The following BRINP1 variants were observed in gnomAD, a reference collection of about 807,000 sequenced individuals.
BRINP1 encodes the protein BMP/retinoic acid-inducible neural-specific protein 1.
In BRINP1, 17 loss-of-function variants were observed where a neutral mutation model predicts 72.9. The observed-to-expected ratio is 0.23, with a 90% CI of 0.16 to 0.35. The LOEUF is 0.35. Ranked by LOEUF, BRINP1 falls within the 10% of genes least tolerant of loss-of-function variation. BRINP1 has a pLI of 1.00. For synonymous variants in BRINP1, 418 were observed against 378.5 expected (o/e 1.10, Z -1.21); for missense variants, 850 against 1,001.6 (o/e 0.85, Z 2.04).
chr9:119,187,190 G>A (rs1403541928), intron 7 of BRINP1, among the ~76,000 whole-genome samples: 1 of 151,744 alleles, frequency 6.6e-6, no homozygotes, highest in Non-Finnish European at 1.5e-5. Context: ...TATTCAACAA[G>A]ACACTGATCA....
At chr9:119,275,881 C>G (rs936609263) in intron 2 of BRINP1, among the ~76,000 whole-genome samples, 2 of 152,066 alleles carry the variant, frequency 1.3e-5, no homozygotes, top group African/African-American at 4.8e-5. Context: ...AGAGAACCCC[C>G]AAATAGCAGT....
chr9:119,351,774 T>C (rs1239359237), intron 1 of BRINP1, among the ~76,000 whole-genome samples: 2 of 152,180 alleles, frequency 1.3e-5, no homozygotes, highest in Non-Finnish European at 2.9e-5. Flanking sequence ...ATTATTCCTA[T>C]TCTGCTTCAA....
rs537126697 is a variant in BRINP1 at position 119,283,168 on chromosome 9, C to A, written c.218+29970G>T. Reference sequence around the variant, plus strand: ...AATGAGATCATTTGTTCTTTCTGGGCCTCCTTGAGTGTTTCTTTAGAATGA... The same window carrying A: ...AATGAGATCATTTGTTCTTTCTGGGACTCCTTGAGTGTTTCTTTAGAATGA... On this transcript the variant is annotated intron_variant, in intron 2 of 7. Coordinates refer to ENST00000265922, the MANE Select transcript of BRINP1 (RefSeq NM_014618.3). The A allele has an allele frequency of 3.1e-5, 31 of 985,062 alleles. No individual in the cohort carries two copies. The African/African-American group carries it at 4.9e-4, about 16-fold the overall frequency. The allele number at this position is 985,062 out of a possible 1,614,324, so 61.0% of individuals were successfully genotyped here. A position where few individuals can be genotyped will look rare whatever the true frequency, so the allele number is the denominator to read the frequency against.
At chr9:119,206,419 CAAAAAAAAAAAA>C (rs56106482) in intron 7 of BRINP1, among the ~76,000 whole-genome samples, 30,230 of 87,534 alleles carry the variant, frequency 0.35, 3,524 homozygotes, top group Admixed American at 0.41. Flanking sequence ...GACTCCATCT[CAAAAAAAAAAAA>C]AAAAAAAAAA....
At chr9:119,245,980 C>T (rs1229111817) in intron 3 of BRINP1, among the ~76,000 whole-genome samples, 1 of 151,974 alleles carries the variant, frequency 6.6e-6, no homozygotes. Flanking sequence ...GTTTCTTAGC[C>T]CCATTAAGTA....
chr9:119,180,766 C>T (rs1351379834), intron 7 of BRINP1, among the ~76,000 whole-genome samples: 1 of 152,088 alleles, frequency 6.6e-6, no homozygotes, highest in Non-Finnish European at 1.5e-5. Flanking sequence ...GGTGTCACAG[C>T]CTCATTAAGT....
chr9:119,237,346 C>CAATATTATTATTATT (rs1554750157), intron 5 of BRINP1, among the ~76,000 whole-genome samples: 1 of 145,044 alleles, frequency 6.9e-6, no homozygotes, highest in Non-Finnish European at 1.5e-5. Context: ...TTTCTTGCTA[C>CAATATTATTATTATT]ATTATTATTA....
chr9:119,321,578 G>A (rs185245461), intron 1 of BRINP1, among the ~76,000 whole-genome samples: 9 of 152,114 alleles, frequency 5.9e-5, no homozygotes, highest in Middle Eastern at 3.4e-3. Flanking sequence ...CCGCATCAGC[G>A]ATCCTCCTGC....
chr9:119,316,656 G>C (rs1202245446), intron 1 of BRINP1, among the ~76,000 whole-genome samples: 3 of 152,020 alleles, frequency 2.0e-5, no homozygotes, highest in Admixed American at 1.3e-4. Flanking sequence ...ATAGTTTACT[G>C]AATATTTTAA....
intron 1 of BRINP1, among the ~76,000 whole-genome samples, chr9:119,344,037 T>C (rs746794783): frequency 2.1e-4 from 32 of 152,052 alleles, no homozygotes; most frequent in Non-Finnish European, 4.1e-4. Flanking sequence ...CCCTACAGCA[T>C]GTTGGGGAGA....
At chr9:119,329,980 A>G (rs910322332) in intron 1 of BRINP1, among the ~76,000 whole-genome samples, 4 of 152,206 alleles carry the variant, frequency 2.6e-5, no homozygotes, top group African/African-American at 9.6e-5. Context: ...AACTCCTGCC[A>G]TAGGCCCCGA....
At chr9:119,258,647 A>C (rs1588180779) in intron 2 of BRINP1, among the ~76,000 whole-genome samples, 2 of 152,340 alleles carry the variant, frequency 1.3e-5, no homozygotes, top group Admixed American at 6.5e-5. Flanking sequence ...CTAAGGCCAC[A>C]GCACCATTGG....
chr9:119,166,887 G>C lies in BRINP1; in HGVS notation c.*197C>G. The stretch of plus-strand genomic sequence containing the variant: ...CCTTCTTCATGACAGAGTGAGTATA[G>C]AAATAACAAACATGCCCAACGCTTT... On this transcript the variant is annotated 3_prime_UTR_variant, in exon 8 of 8. Transcript: ENST00000265922. 1 of 602,134 alleles carries C rather than the reference G, an allele frequency of 1.7e-6. No individual in the cohort carries two copies. The highest frequency in any genetic ancestry group is 2.8e-6 in the Non-Finnish European group (1 of 354,120). 37.3% of individuals were successfully genotyped at this position (602,134 alleles called of 1,614,324 possible).
intron 2 of BRINP1, among the ~76,000 whole-genome samples, chr9:119,272,448 A>G (rs115684544): frequency 0.024 from 3,615 of 152,284 alleles, 115 homozygotes; most frequent in African/African-American, 0.08. Context: ...CTGCACATCC[A>G]TATTGAAATG....
At chr9:119,269,197 G>T (rs554980956) in intron 2 of BRINP1, among the ~76,000 whole-genome samples, 1 of 152,342 alleles carries the variant, frequency 6.6e-6, no homozygotes, top group African/African-American at 2.4e-5. Context: ...TCCCAAAGCA[G>T]ACATCTGAAC....
At chr9:119,333,512 T>TA (rs989382785) in intron 1 of BRINP1, among the ~76,000 whole-genome samples, 9 of 122,480 alleles carry the variant, frequency 7.3e-5, no homozygotes, top group South Asian at 2.8e-4. Flanking sequence ...AATCTTCAAA[T>TA]AAAAAAAAAT....
intron 1 of BRINP1, among the ~76,000 whole-genome samples, chr9:119,332,947 T>A (rs1831313785): frequency 6.6e-6 from 1 of 152,150 alleles, no homozygotes; most frequent in Non-Finnish European, 1.5e-5. Context: ...TATTCCCACT[T>A]TATAGATAAG....
intron 2 of BRINP1, among the ~76,000 whole-genome samples, chr9:119,280,371 T>G (rs925643374): frequency 1.2e-4 from 18 of 151,586 alleles, no homozygotes; most frequent in African/African-American, 4.1e-4. Flanking sequence ...CCCGAGTAGC[T>G]GGGACTACAG....
At chr9:119,260,130 C>T (rs549682813) in intron 2 of BRINP1, among the ~76,000 whole-genome samples, 1 of 152,330 alleles carries the variant, frequency 6.6e-6, no homozygotes, top group South Asian at 2.1e-4. Context: ...ATATCTGGCT[C>T]TATATCAAGA....
Sources: gnomAD v4.1 joint callset for allele counts (sites outside exome capture counted in the v4.1 genomes callset) on GRCh38, gnomAD v4.1.1 for gene constraint, MANE v1.5 for transcripts, NCBI Gene and HGNC (gene_info 2026-07-23, HGNC 2026-07-21) for gene names.